The following VANGL2 variants were observed in gnomAD, a reference collection of about 807,000 sequenced individuals.
VANGL2 encodes vang-like protein 2.
Under a neutral mutation model 50.2 loss-of-function variants are expected in VANGL2, and 14 were observed. The observed-to-expected ratio is 0.28, with a 90% CI of 0.18 to 0.44. The LOEUF is 0.44. Ranked by LOEUF, VANGL2 falls within the 20% of genes least tolerant of loss-of-function variation. The probability of loss-of-function intolerance (pLI) is 1.00; values close to 1 mark genes in which losing one functional copy is unlikely to be tolerated. For synonymous variants in VANGL2, 295 were observed against 297.2 expected (o/e 0.99, Z 0.08); for missense variants, 533 against 701.5 (o/e 0.76, Z 2.71).
In VANGL2 at chr1:160,415,649, A is replaced by G. The variant is rs1651026676; in HGVS notation, c.-189A>G. 1 of 659,694 alleles carries G rather than the reference A, an allele frequency of 1.5e-6. No homozygotes were observed. The highest frequency in any genetic ancestry group is 1.8e-5 in the African/African-American group (1 of 55,272). The allele number at this position is 659,694 out of a possible 1,614,324, so 40.9% of individuals were successfully genotyped here. On this transcript the variant is annotated splice_region_variant and 5_prime_UTR_variant, in exon 2 of 8. Coordinates refer to ENST00000368061, the MANE Select transcript of VANGL2 (RefSeq NM_020335.3). ...TAACTAGCTTCTTCCTCTCACCAGGAGCGTCGCTGGATTTTCTCTGAGACA... is the reference window on the plus strand; with the variant it reads ...TAACTAGCTTCTTCCTCTCACCAGGGGCGTCGCTGGATTTTCTCTGAGACA...
In VANGL2 at chr1:160,419,749, C is replaced by A; in HGVS notation, c.800+140C>A. On this transcript the variant is annotated intron_variant, in intron 4 of 7. Transcript: ENST00000368061. This position sits in a 1 kb window ranked among gnomAD's most constrained non-coding sequence, Gnocchi z 5.8. ...GTGTGGGAGGGAGTTGAGTACTTTG[C>A]ACCAAGTAGGTTTTCACCAATGTTT... 7.6e-7 allele frequency: 1 copy of A among 1,312,042 alleles called. No homozygotes were observed. Among genetic ancestry groups the A allele is most frequent in the Non-Finnish European group, 1.0e-6 (1 of 982,242 alleles). The allele number at this position is 1,312,042 out of a possible 1,614,324, so 81.3% of individuals were successfully genotyped here.
intron 6 of VANGL2, among the ~76,000 whole-genome samples, chr1:160,423,657 C>T (rs942416463): frequency 2.6e-5 from 4 of 152,136 alleles, no homozygotes; most frequent in African/African-American, 9.7e-5. Context: ...TTAATGTTGC[C>T]CATGCTGTCA....
At chr1:160,409,445 A>AAAAGGG (rs558413346) in intron 1 of VANGL2, among the ~76,000 whole-genome samples, 21 of 152,138 alleles carry the variant, frequency 1.4e-4, no homozygotes, top group South Asian at 4.2e-4. Context: ...TCCTGAAGGG[A>AAAAGGG]AAAGGGAAAG....
In VANGL2 at chr1:160,419,386, G is replaced by A. The variant is rs770440603; in HGVS notation, c.577G>A (p.Val193Met). ...ALLMVLVFLLVVSYWLFYGVR... is the reference protein window; with the variant it reads ...ALLMVLVFLLMVSYWLFYGVR... ...GCTTATGGTGCTGGTTTTCCTGCTC[G>A]TGGTCTCCTACTGGCTCTTCTATGG... The change falls in exon 4 of 8, where the codon GTG becomes ATG. Residue 193 changes from valine (V) to methionine (M), a missense_variant. Coordinates refer to ENST00000368061, the MANE Select transcript of VANGL2 (RefSeq NM_020335.3). This position sits in a 1 kb window ranked among gnomAD's most constrained non-coding sequence, Gnocchi z 5.8. The A allele has an allele frequency of 5.0e-6, 8 of 1,612,462 alleles. No homozygotes were observed. Among genetic ancestry groups the A allele is most frequent in the East Asian group, 4.5e-5 (2 of 44,886 alleles).
At chr1:160,406,130 A>G (rs1650651518) in intron 1 of VANGL2, among the ~76,000 whole-genome samples, 2 of 152,180 alleles carry the variant, frequency 1.3e-5, no homozygotes, top group African/African-American at 2.4e-5. Context: ...TTGCCATTTT[A>G]TAGATAAGGA....
intron 6 of VANGL2, among the ~76,000 whole-genome samples, chr1:160,422,772 T>C (rs1336065603): frequency 1.3e-5 from 2 of 152,244 alleles, no homozygotes; most frequent in African/African-American, 4.8e-5. Flanking sequence ...GTTCCCACTT[T>C]CACTCCAGCG....
chr1:160,423,887 T>C (rs1651355464), intron 6 of VANGL2, among the ~76,000 whole-genome samples, 165 bp from the exon 7 acceptor site: 1 of 152,228 alleles, frequency 6.6e-6, no homozygotes, highest in African/African-American at 2.4e-5. Flanking sequence ...GGCTGTTTAC[T>C]GTTCCCAGTG....
rs1446559307 is a variant in VANGL2, at chr1:160,416,249, C to G, written c.192+67C>G. 1.9e-6 allele frequency: 3 copies of G among 1,611,442 alleles called. No homozygotes were observed. In the African/African-American group the frequency reaches 4.0e-5, roughly 22 times the overall value. On this transcript the variant is annotated intron_variant, in intron 3 of 7. Coordinates refer to ENST00000368061, the MANE Select transcript of VANGL2 (RefSeq NM_020335.3). ...GACTGCTCCTGAGGGGCTGGAGGCT[C>G]CACGGAGTGGGGGAGGGCTTGGAAA...
At chr1:160,410,110 C>T (rs1186259125) in intron 1 of VANGL2, among the ~76,000 whole-genome samples, 3 of 152,160 alleles carry the variant, frequency 2.0e-5, no homozygotes, top group Admixed American at 1.3e-4. Context: ...TGTGTTCAGG[C>T]AGAACCACCC....
chr1:160,420,294 C>T (rs868119648), intron 4 of VANGL2, 117 bp from the exon 5 acceptor site: 1 of 1,374,382 alleles, frequency 7.3e-7, no homozygotes, highest in South Asian at 1.2e-5. Flanking sequence ...TTCTCGGAAG[C>T]AGCTTGTCCC....
At chr1:160,405,683 C>A (rs1253853250) in intron 1 of VANGL2, among the ~76,000 whole-genome samples, 1 of 152,014 alleles carries the variant, frequency 6.6e-6, no homozygotes, top group East Asian at 1.9e-4. Context: ...TTGGGGCCTC[C>A]TTCCCCTGCC....
chr1:160,416,283 C>G, intron 3 of VANGL2, 101 bp downstream of exon 3: 1 of 1,591,936 alleles, frequency 6.3e-7, no homozygotes, highest in Non-Finnish European at 8.6e-7. Flanking sequence ...AACCTGGTCT[C>G]AGACAGCCAT....
Position 160,419,316 on chromosome 1 carries a change from C to A in VANGL2, c.507C>A (p.Arg169=), listed in dbSNP as rs1390137324. 7 of 1,609,144 alleles carry A rather than the reference C, an allele frequency of 4.4e-6. No individual in the cohort carries two copies. The highest frequency in any genetic ancestry group is 5.1e-6 in the Non-Finnish European group (6 of 1,180,010). The change falls in exon 4 of 8, where the codon CGC becomes CGA. Residue 169 remains arginine, a synonymous_variant. Coordinates refer to ENST00000368061, the MANE Select transcript of VANGL2 (RefSeq NM_020335.3). The surrounding 1 kb of genome is among the most constrained non-coding windows in gnomAD (Gnocchi z 5.8). ...TGGGCAGCTGGGCTCTGTTCTTCCG[C>A]CGGCCCAAGGCCTCGCTGCCCCGCG... ...LLLGSWALFF[R]RPKASLPRVF... is the part of the protein sequence containing the mutation.
intron 1 of VANGL2, among the ~76,000 whole-genome samples, chr1:160,404,416 G>A (rs1650584559): frequency 6.6e-6 from 1 of 152,108 alleles, no homozygotes; most frequent in African/African-American, 2.4e-5. Flanking sequence ...AAATTAAGGT[G>A]AAATTCACAT....
rs4017836 is a variant in VANGL2 at position 160,417,908 on chromosome 1, A to ATT, written c.193-1075_193-1074dup. On this transcript the variant is annotated intron_variant, in intron 3 of 7. Transcript: ENST00000368061. ...AAGGAACTTAGATAGGACTTCCATA[A>ATT]TTTTTTTTTTTTTTTTTTTTGAGAT... 9.1e-3 allele frequency among the ~76,000 whole-genome samples: 1,180 copies of ATT among 130,096 alleles called. 29 individuals carry two copies. The highest frequency in any genetic ancestry group is 0.02 in the African/African-American group (696 of 34,486). 85.3% of individuals were successfully genotyped at this position (130,096 alleles called of 152,430 possible). A position where few individuals can be genotyped will look rare whatever the true frequency, so the allele number is the denominator to read the frequency against.
Position 160,425,675 on chromosome 1 carries a change from G to C in VANGL2, c.*297G>C. The C allele has an allele frequency of 3.0e-6, 1 of 338,330 alleles. No individual in the cohort carries two copies. Among genetic ancestry groups the C allele is most frequent in the Admixed American group, 4.4e-5 (1 of 22,806 alleles). The allele number at this position is 338,330 out of a possible 1,614,324, so 21.0% of individuals were successfully genotyped here. On this transcript the variant is annotated 3_prime_UTR_variant, in exon 8 of 8. Coordinates refer to ENST00000368061, the MANE Select transcript of VANGL2 (RefSeq NM_020335.3). Reference sequence around the variant, plus strand: ...TGCCTCTCTCCCTCTTCTTTCCCTAGTCTTTTCCCAGATTACAGTCTCTCC... The same window carrying C: ...TGCCTCTCTCCCTCTTCTTTCCCTACTCTTTTCCCAGATTACAGTCTCTCC...
chr1:160,402,023 A>G (rs1213129358), intron 1 of VANGL2, among the ~76,000 whole-genome samples: 1 of 152,114 alleles, frequency 6.6e-6, no homozygotes, highest in African/African-American at 2.4e-5. Flanking sequence ...TGTCTGCAGG[A>G]TTTTGAGACT....
intron 1 of VANGL2, among the ~76,000 whole-genome samples, chr1:160,406,318 C>T (rs139136133): frequency 4.1e-4 from 63 of 152,310 alleles, no homozygotes; most frequent in African/African-American, 1.4e-3. Context: ...GAGTAATTCC[C>T]CTGTTTTCTG....
intron 1 of VANGL2, among the ~76,000 whole-genome samples, chr1:160,407,183 G>A (rs1344080812): frequency 6.6e-6 from 1 of 152,192 alleles, no homozygotes; most frequent in Non-Finnish European, 1.5e-5. Flanking sequence ...CAGATATAAG[G>A]GATGGGAGAG....
Sources: allele counts gnomAD v4.1 joint callset (sites outside exome capture counted in the v4.1 genomes callset), GRCh38; gene constraint gnomAD v4.1.1; non-coding constraint Gnocchi (gnomAD v3.1); transcripts MANE v1.5; gene names NCBI Gene and HGNC (gene_info 2026-07-23, HGNC 2026-07-21).